The following RIT2 variants were observed in gnomAD, a reference collection of about 807,000 sequenced individuals.
RIT2 encodes Ras like without CAAX 2.
In RIT2, 24 loss-of-function variants were observed where a neutral mutation model predicts 23.7. The ratio of observed to expected loss-of-function variants is 1.01; its 90% CI spans 0.73 to 1.43. RIT2 has a LOEUF of 1.43. RIT2 is among the 40% of genes most tolerant of loss of function. The pLI, the probability that RIT2 is intolerant of heterozygous loss-of-function variation, is 0.00. For missense variants in RIT2, 236 were observed against 266.9 expected, an observed-to-expected ratio of 0.88 and a Z score of 0.81; for synonymous variants, 107 against 91.1, an observed-to-expected ratio of 1.17 and a Z score of -0.99.
chr18:42,833,196 T>C (rs946910235), intron 4 of RIT2, among the ~76,000 whole-genome samples: 4 of 152,150 alleles, frequency 2.6e-5, no homozygotes, highest in Non-Finnish European at 4.4e-5. Flanking sequence ...TGTTTACCTC[T>C]ATGAAATCAG....
At chr18:42,766,104 T>C (rs558582720) in intron 4 of RIT2, among the ~76,000 whole-genome samples, 2 of 152,238 alleles carry the variant, frequency 1.3e-5, no homozygotes, top group South Asian at 4.1e-4. Context: ...ATACAGTAAA[T>C]TGGTACCAGT....
At chr18:42,987,482 C>T (rs1458166802) in intron 2 of RIT2, among the ~76,000 whole-genome samples, 1 of 152,172 alleles carries the variant, frequency 6.6e-6, no homozygotes, top group Non-Finnish European at 1.5e-5. Flanking sequence ...CGTTACTACT[C>T]TGACTTTGTG....
chr18:42,830,716 C>T (rs1906433848), intron 4 of RIT2, among the ~76,000 whole-genome samples: 1 of 152,118 alleles, frequency 6.6e-6, no homozygotes, highest in Admixed American at 6.6e-5. Flanking sequence ...TTCTGACTGC[C>T]TTGTAAATAT....
intron 1 of RIT2, among the ~76,000 whole-genome samples, chr18:43,091,486 T>C (rs576286187): frequency 5.3e-5 from 8 of 152,080 alleles, no homozygotes; most frequent in African/African-American, 1.9e-4. Flanking sequence ...ATGTGGTCTT[T>C]ACTATGGCCC....
At chr18:42,795,422 C>T (rs1343957112) in intron 4 of RIT2, among the ~76,000 whole-genome samples, 1 of 152,228 alleles carries the variant, frequency 6.6e-6, no homozygotes, top group Non-Finnish European at 1.5e-5. Flanking sequence ...AGTGCCAGCC[C>T]ACTGGCGCTG....
chr18:42,997,595 C>T (rs1448504100), intron 2 of RIT2, among the ~76,000 whole-genome samples: 1 of 151,508 alleles, frequency 6.6e-6, no homozygotes, highest in Non-Finnish European at 1.5e-5. Context: ...AATCTCGTAT[C>T]CCATATGTGT....
Position 43,002,265 on chromosome 18 carries a change from C to T in RIT2, c.161-28118G>A, listed in dbSNP as rs148635065. On this transcript the variant is annotated intron_variant, in intron 2 of 4. Coordinates refer to ENST00000326695, the MANE Select transcript of RIT2 (RefSeq NM_002930.4). ...ATGAGGTTCAGAACACTTAATCGGT[C>T]GAATTCTTCCACTTTCTTCTGCCTG... Among the ~76,000 whole-genome samples the T allele has an allele frequency of 6.0e-3, 918 of 151,928 alleles. 4 individuals carry two copies. The highest frequency in any genetic ancestry group is 0.021 in the African/African-American group (861 of 41,456).
At chr18:42,821,390 T>C (rs935417883) in intron 4 of RIT2, among the ~76,000 whole-genome samples, 8 of 152,068 alleles carry the variant, frequency 5.3e-5, no homozygotes, top group Non-Finnish European at 1.2e-4. Context: ...TAGGTTAGTT[T>C]TGATAGAGTA....
At chr18:42,785,724 T>C (rs1465934342) in intron 4 of RIT2, among the ~76,000 whole-genome samples, 1 of 152,094 alleles carries the variant, frequency 6.6e-6, no homozygotes, top group Non-Finnish European at 1.5e-5. Context: ...ATACCTACAG[T>C]TATAGAATTG....
intron 4 of RIT2, among the ~76,000 whole-genome samples, chr18:42,864,918 A>T (rs1012617261): frequency 6.6e-6 from 1 of 152,126 alleles, no homozygotes; most frequent in Non-Finnish European, 1.5e-5. Context: ...TGCCTTGTAT[A>T]AAAAGCCCCA....
At chr18:42,832,932 T>C (rs954153479) in intron 4 of RIT2, among the ~76,000 whole-genome samples, 4 of 151,294 alleles carry the variant, frequency 2.6e-5, no homozygotes, top group Non-Finnish European at 5.9e-5. Context: ...TGCATGCCTG[T>C]AATCCCAGCT....
rs181683254 is a variant in RIT2, at chr18:42,946,404, C to G, written c.235-22641G>C. On this transcript the variant is annotated intron_variant, in intron 3 of 4. Transcript: ENST00000326695. Reference sequence around the variant, plus strand: ...TGTTACAATTCTATTAAAGACAACACAAAATTCTCGTGTTCAGGAGGCAGT... The same window carrying G: ...TGTTACAATTCTATTAAAGACAACAGAAAATTCTCGTGTTCAGGAGGCAGT... Among the ~76,000 whole-genome samples the G allele has an allele frequency of 5.3e-5, 8 of 152,104 alleles. No individual in the cohort carries two copies. The East Asian group carries it at 1.6e-3, about 30-fold the overall frequency.
intron 4 of RIT2, among the ~76,000 whole-genome samples, chr18:42,848,761 A>C (rs1164355363): frequency 2.0e-5 from 3 of 152,112 alleles, no homozygotes; most frequent in African/African-American, 7.2e-5. Flanking sequence ...TTTTTTAGTG[A>C]AAATATTTTT....
At chr18:42,776,685 A>T (rs2143924577) in intron 4 of RIT2, among the ~76,000 whole-genome samples, 1 of 151,476 alleles carries the variant, frequency 6.6e-6, no homozygotes, top group Admixed American at 6.5e-5. Flanking sequence ...GAGAGATTTA[A>T]CAACTTACCA....
At chr18:42,880,290 A>G (rs927765492) in intron 4 of RIT2, among the ~76,000 whole-genome samples, 21 of 152,070 alleles carry the variant, frequency 1.4e-4, no homozygotes, top group Admixed American at 1.0e-3. Flanking sequence ...AGCATAAATC[A>G]ATTTCTTTCT....
At chr18:42,908,188 GAC>G (rs1319730452) in intron 4 of RIT2, among the ~76,000 whole-genome samples, 2 of 149,060 alleles carry the variant, frequency 1.3e-5, no homozygotes, top group Admixed American at 1.3e-4. Flanking sequence ...GAGTGGAAAA[GAC>G]ACAGAAAAAA....
chr18:42,775,621 C>T (rs963698481), intron 4 of RIT2, among the ~76,000 whole-genome samples: 5 of 152,004 alleles, frequency 3.3e-5, no homozygotes, highest in African/African-American at 7.2e-5. Context: ...GGCGTGAACC[C>T]GGGAGGCGGA....
At chr18:43,112,707 C>T (rs931096649) in intron 1 of RIT2, among the ~76,000 whole-genome samples, 2 of 151,798 alleles carry the variant, frequency 1.3e-5, no homozygotes, top group Non-Finnish European at 2.9e-5. Flanking sequence ...AGTTTGAGAC[C>T]AACCTGGGCA....
intron 1 of RIT2, among the ~76,000 whole-genome samples, chr18:43,067,128 A>G (rs1912788607): frequency 6.6e-6 from 1 of 152,070 alleles, no homozygotes; most frequent in African/African-American, 2.4e-5. Flanking sequence ...AACATGAGTG[A>G]TAGAGATGAG....
Sources: gnomAD v4.1 joint callset for allele counts (sites outside exome capture counted in the v4.1 genomes callset) on GRCh38, gnomAD v4.1.1 for gene constraint, MANE v1.5 for transcripts, NCBI Gene and HGNC (gene_info 2026-07-23, HGNC 2026-07-21) for gene names.